RBFOX1: variants seen among roughly 807,000 people sequenced by gnomAD.
RBFOX1 encodes the protein RNA binding protein fox-1 homolog 1.
A neutral mutation model predicts 57.7 loss-of-function variants in RBFOX1; 8 were observed. The observed-to-expected ratio is 0.14, with a 90% CI of 0.08 to 0.25. The LOEUF (loss-of-function observed/expected upper bound fraction) is 0.25, where lower values mean the gene tolerates loss of function less well. Among genes scored for constraint, RBFOX1 ranks in the 10% least tolerant of loss-of-function variants. The pLI is 1.00. For synonymous variants in RBFOX1, 326 were observed against 222.4 expected (o/e 1.47, Z -4.15); for missense variants, 611 against 548.5 (o/e 1.11, Z -1.14).
chr16:6,069,935 C>T (rs958324717), intron 1 of RBFOX1, among the ~76,000 whole-genome samples: 2 of 152,036 alleles, frequency 1.3e-5, no homozygotes, highest in Admixed American at 6.6e-5. Flanking sequence ...TGCAGTGAGC[C>T]GAGATCCAAC....
Position 6,122,102 on chromosome 16 carries a change from C to T in RBFOX1, c.-127+102110C>T, listed in dbSNP as rs148507122. 7.0e-3 allele frequency among the ~76,000 whole-genome samples: 1,059 copies of T among 152,256 alleles called. 13 individuals carry two copies. The highest frequency in any genetic ancestry group is 0.024 in the African/African-American group (991 of 41,544). ...AGTGTTTTTAGTAGAGATGGGGTTT[C>T]ACCGTGTTGGCAAGGCTGGTCTCGA... On this transcript the variant is annotated intron_variant, in intron 1 of 15. Coordinates refer to ENST00000550418, the MANE Select transcript of RBFOX1 (RefSeq NM_018723.4).
intron 4 of RBFOX1, among the ~76,000 whole-genome samples, chr16:7,361,263 C>G (rs1038907512): frequency 1.3e-5 from 2 of 152,194 alleles, no homozygotes; most frequent in Admixed American, 1.3e-4. Flanking sequence ...CACTTTGTAG[C>G]CATTCCGTCT....
intron 4 of RBFOX1, among the ~76,000 whole-genome samples, chr16:7,058,500 T>C (rs772380038): frequency 6.6e-6 from 1 of 152,222 alleles, no homozygotes; most frequent in South Asian, 2.1e-4. Context: ...CTTGTACATG[T>C]TACTTCAATC....
chr16:5,418,079 C>CACA (rs2067207893), intron 1 of RBFOX1, among the ~76,000 whole-genome samples: 3 of 92,264 alleles, frequency 3.3e-5, no homozygotes, highest in African/African-American at 1.6e-4. Context: ...AAAACTCCAT[C>CACA]TCAACAACAA....
intron 1 of RBFOX1, among the ~76,000 whole-genome samples, chr16:6,258,298 T>C (rs74005049): frequency 0.021 from 3,150 of 152,198 alleles, 84 homozygotes; most frequent in African/African-American, 0.062. Context: ...TGATTATGCT[T>C]GAAGCTACAA....
intron 2 of RBFOX1, among the ~76,000 whole-genome samples, chr16:6,399,796 C>G (rs13380611): frequency 0.011 from 1,620 of 152,300 alleles, 31 homozygotes; most frequent in African/African-American, 0.037. Flanking sequence ...AATTGAATCA[C>G]AGTTCCACAT....
chr16:6,944,336 A>G (rs2079079528), intron 3 of RBFOX1, among the ~76,000 whole-genome samples: 1 of 150,440 alleles, frequency 6.6e-6, no homozygotes, highest in South Asian at 2.1e-4. Context: ...CGGAGGTTGC[A>G]GTGTGCCAAG....
chr16:6,031,436 A>G (rs1013257857), intron 1 of RBFOX1, among the ~76,000 whole-genome samples: 5 of 152,230 alleles, frequency 3.3e-5, no homozygotes, highest in Admixed American at 6.5e-5. Flanking sequence ...GATCTTAACT[A>G]GTACCATCCT....
chr16:6,890,336 A>C (rs1424265932), intron 3 of RBFOX1, among the ~76,000 whole-genome samples: 1 of 152,088 alleles, frequency 6.6e-6, no homozygotes, highest in Non-Finnish European at 1.5e-5. Flanking sequence ...CTGGCCTACA[A>C]GGTGAAACCC....
intron 2 of RBFOX1, among the ~76,000 whole-genome samples, chr16:5,521,711 C>G (rs2044024753): frequency 6.6e-6 from 1 of 152,128 alleles, no homozygotes. Context: ...ACGTCTGAGC[C>G]CAAGACTTGG....
intron 3 of RBFOX1, among the ~76,000 whole-genome samples, chr16:6,849,157 A>T (rs116366512): frequency 2.6e-5 from 4 of 152,152 alleles, no homozygotes; most frequent in Non-Finnish European, 5.9e-5. Flanking sequence ...CAAAGGAACC[A>T]AGTAACTTGC....
rs9934765 is a variant in RBFOX1 at position 6,952,219 on chromosome 16, A to C, written c.-15-99838A>C. Among the ~76,000 whole-genome samples the C allele has an allele frequency of 8.1e-3, 1,236 of 152,324 alleles. 10 individuals carry two copies. Among genetic ancestry groups the C allele is most frequent in the African/African-American group, 0.028 (1,150 of 41,570 alleles). ...TTCACTGCTATCACTGAGATGAAAG[A>C]AAAAGAGTAGGACCTTTCCCTGCTA... On this transcript the variant is annotated intron_variant, in intron 3 of 15. Coordinates refer to ENST00000550418, the MANE Select transcript of RBFOX1 (RefSeq NM_018723.4).
At chr16:7,438,956 C>A (rs1019405153) in intron 4 of RBFOX1, among the ~76,000 whole-genome samples, 4 of 152,150 alleles carry the variant, frequency 2.6e-5, no homozygotes, top group African/African-American at 9.7e-5. Flanking sequence ...CAGAAGTCAG[C>A]CCAGTGAGAA....
At chr16:5,744,785 T>G (rs1045734318) in intron 3 of RBFOX1, among the ~76,000 whole-genome samples, 1 of 151,988 alleles carries the variant, frequency 6.6e-6, no homozygotes, top group African/African-American at 2.4e-5. Context: ...TGAGACAGAG[T>G]TTTGCTCTGT....
chr16:5,718,215 C>G (rs1335068751), intron 3 of RBFOX1, among the ~76,000 whole-genome samples: 2 of 152,222 alleles, frequency 1.3e-5, no homozygotes, highest in African/African-American at 4.8e-5. Flanking sequence ...TTCAGTCTAT[C>G]TTAATAGACA....
At chr16:5,582,876 A>G (rs1310417893) in intron 2 of RBFOX1, among the ~76,000 whole-genome samples, 3 of 152,146 alleles carry the variant, frequency 2.0e-5, no homozygotes, top group Non-Finnish European at 4.4e-5. Context: ...TCAACTGTGT[A>G]TCCTTAGGCT....
In RBFOX1 at chr16:6,709,554, G is replaced by A. The variant is rs77291337; in HGVS notation, c.-16+54904G>A. Among the ~76,000 whole-genome samples, 6 of 152,154 alleles carry A rather than the reference G, an allele frequency of 3.9e-5. 1 individual carries two copies. The East Asian group carries it at 1.2e-3, about 29-fold the overall frequency. On this transcript the variant is annotated intron_variant, in intron 3 of 15. Transcript: ENST00000550418. Reference sequence around the variant, plus strand: ...TCTTTCTACTTTTACATTTGTGAAGGGTATTAATCTTCAAACTCATTTCCA... The same window carrying A: ...TCTTTCTACTTTTACATTTGTGAAGAGTATTAATCTTCAAACTCATTTCCA...
intron 4 of RBFOX1, among the ~76,000 whole-genome samples, chr16:5,921,565 A>T (rs1027584986): frequency 2.6e-5 from 4 of 152,232 alleles, no homozygotes; most frequent in Non-Finnish European, 4.4e-5. Context: ...TGATAATAGC[A>T]ACTATTTCTG....
chr16:5,331,677 C>G (rs1006857849), intron 1 of RBFOX1, among the ~76,000 whole-genome samples: 2 of 152,236 alleles, frequency 1.3e-5, no homozygotes, highest in African/African-American at 4.8e-5. Context: ...AAGGAAACTA[C>G]AAAGTCACAT....
Sources: allele counts gnomAD v4.1 joint callset (sites outside exome capture counted in the v4.1 genomes callset), GRCh38; gene constraint gnomAD v4.1.1; transcripts MANE v1.5; gene names NCBI Gene and HGNC (gene_info 2026-07-23, HGNC 2026-07-21).